The following FAM118A variants were observed in gnomAD, a reference collection of about 807,000 sequenced individuals.
The protein encoded by FAM118A is SIR2 antiphage like 2, also known as protein FAM118A.
A neutral mutation model predicts 38.2 loss-of-function variants in FAM118A; 25 were observed. The ratio of observed to expected loss-of-function variants is 0.65; its 90% CI spans 0.48 to 0.91. FAM118A has a LOEUF of 0.91. FAM118A is among the 40% of genes least tolerant of loss of function. FAM118A has a pLI of 0.00. For synonymous variants in FAM118A, 178 were observed against 184.1 expected (o/e 0.97, Z 0.27); for missense variants, 425 against 463.3 (o/e 0.92, Z 0.76).
intron 1 of FAM118A, among the ~76,000 whole-genome samples, chr22:45,320,380 C>A (rs1409563069): frequency 5.4e-5 from 8 of 148,668 alleles, no homozygotes; most frequent in Non-Finnish European, 7.5e-5. Flanking sequence ...GAGACTCCAT[C>A]AAAAAAAAAC....
intron 1 of FAM118A, among the ~76,000 whole-genome samples, chr22:45,317,174 C>T (rs2084642905): frequency 6.6e-6 from 1 of 152,158 alleles, no homozygotes; most frequent in Non-Finnish European, 1.5e-5. Context: ...GTCAGGAGTT[C>T]GAGACCAGCC....
At chr22:45,330,756 G>A (rs1218706012) in intron 5 of FAM118A, 25 bp downstream of exon 5, 2 of 1,507,208 alleles carry the variant, frequency 1.3e-6, no homozygotes, top group Non-Finnish European at 1.8e-6. Flanking sequence ...AATTAGCATC[G>A]GTGCGTCCTC....
intron 1 of FAM118A, among the ~76,000 whole-genome samples, chr22:45,310,498 G>A (rs1468890245): frequency 6.6e-6 from 1 of 152,142 alleles, no homozygotes; most frequent in African/African-American, 2.4e-5. Flanking sequence ...GAAGCCCCCA[G>A]GCCCGGGGCA....
In FAM118A at chr22:45,328,049, A is replaced by G; in HGVS notation, c.508A>G (p.Lys170Glu). Residue 170 changes from lysine (K) to glutamate (E), a missense_variant, in exon 4 of 9, where the codon AAG (lysine) becomes GAG (glutamate). Lys to Glu is a moderately conservative substitution (Grantham distance 56). Coordinates refer to ENST00000441876, the MANE Select transcript of FAM118A (RefSeq NM_017911.4). ...QNKPMESLDLKDKTKVLEWAR... is the reference protein window; with the variant it reads ...QNKPMESLDLEDKTKVLEWAR... ...CAAGCCCATGGAGTCCCTGGACTTG[A>G]AGGACAAGACCAAGGTATGGGCTGG... The G allele has an allele frequency of 6.7e-7, 1 of 1,489,870 alleles. No homozygotes were observed. Among genetic ancestry groups the G allele is most frequent in the Non-Finnish European group, 9.1e-7 (1 of 1,098,940 alleles). 92.3% of individuals were successfully genotyped at this position (1,489,870 alleles called of 1,614,324 possible). A position where few individuals can be genotyped will look rare whatever the true frequency, so the allele number is the denominator to read the frequency against.
chr22:45,323,377 G>A lies in FAM118A; in HGVS notation c.250G>A (p.Asp84Asn). ...VAEFRRKVTK[D>N]RDLLVVAHDL... ...CGAGTTCCGGAGGAAAGTGACAAAG[G>A]ACCGGGACCTGTTGGTTGTCGCCCA... The change falls in exon 3 of 9, where the codon GAC becomes AAC. Residue 84 changes from aspartate to asparagine, a missense_variant. Coordinates refer to ENST00000441876, the MANE Select transcript of FAM118A (RefSeq NM_017911.4). 1 of 1,614,188 alleles carries A rather than the reference G, an allele frequency of 6.2e-7. No homozygotes were observed. Among genetic ancestry groups the A allele is most frequent in the Admixed American group, 1.7e-5 (1 of 60,022 alleles).
Position 45,327,132 on chromosome 22 carries a change from T to C in FAM118A, c.301-710T>C, listed in dbSNP as rs2085333278. ...GGTGGCACCTGTAGCCCTAGCTACT[T>C]GGGAGGCTTAGGTGGCAAGCTCGCT... On this transcript the variant is annotated intron_variant, in intron 3 of 8. Transcript: ENST00000441876. Among the ~76,000 whole-genome samples, 3 of 151,960 alleles carry C rather than the reference T, an allele frequency of 2.0e-5. No individual in the cohort carries two copies. The South Asian group carries it at 6.2e-4, about 32-fold the overall frequency.
At chr22:45,313,819 G>A (rs745913076) in intron 1 of FAM118A, among the ~76,000 whole-genome samples, 2 of 152,134 alleles carry the variant, frequency 1.3e-5, no homozygotes, top group Admixed American at 6.5e-5. Context: ...GCTTGTGGCC[G>A]CCGAACACTG....
At chr22:45,316,654 A>C (rs1172943912) in intron 1 of FAM118A, among the ~76,000 whole-genome samples, 1 of 152,116 alleles carries the variant, frequency 6.6e-6, no homozygotes, top group Non-Finnish European at 1.5e-5. Flanking sequence ...ACACTGATTA[A>C]ATTTAGTATT....
chr22:45,315,248 C>T (rs1316288023), intron 1 of FAM118A, among the ~76,000 whole-genome samples: 1 of 152,084 alleles, frequency 6.6e-6, no homozygotes, highest in Non-Finnish European at 1.5e-5. Context: ...TAACTTATTT[C>T]CATCATTACA....
At chr22:45,330,568 G>T in intron 4 of FAM118A, 35 bp from the exon 5 acceptor site, 1 of 1,489,174 alleles carries the variant, frequency 6.7e-7, no homozygotes. Flanking sequence ...ACAGTTTGAG[G>T]ATGTGTTTCT....
intron 3 of FAM118A, among the ~76,000 whole-genome samples, chr22:45,324,354 G>A (rs1041433922): frequency 1.3e-5 from 2 of 152,182 alleles, no homozygotes; most frequent in African/African-American, 2.4e-5. Flanking sequence ...GGTGCCCTGC[G>A]GGCAGCTGTA....
At chr22:45,310,343 C>T (rs1276264735) in intron 1 of FAM118A, among the ~76,000 whole-genome samples, 160 bp downstream of exon 1, 2 of 151,986 alleles carry the variant, frequency 1.3e-5, no homozygotes, top group South Asian at 2.1e-4. Context: ...CGCCCTGCCC[C>T]TCCAGGCCCG....
chr22:45,328,974 AG>A (rs1158827844), intron 4 of FAM118A: 3 of 154,516 alleles, frequency 1.9e-5, no homozygotes, highest in Non-Finnish European at 2.9e-5. Context: ...AGAGAGTGGC[AG>A]GGGGGTGGTG....
At position 45,340,502 on chromosome 22, in the gene FAM118A, G is replaced by T. The variant is rs1390526927; in HGVS notation, c.*97G>T. The T allele has an allele frequency of 5.6e-6, 8 of 1,437,970 alleles. No homozygotes were observed. The highest frequency in any genetic ancestry group is 1.1e-5 in the South Asian group (1 of 87,274). 89.1% of individuals were successfully genotyped at this position (1,437,970 alleles called of 1,614,324 possible). On this transcript the variant is annotated 3_prime_UTR_variant, in exon 9 of 9. Transcript: ENST00000441876. ...TATGGAGAACTCCACGTGGATCTCT[G>T]ATTGCGAAACCGTCACATACACCAA... is the stretch of plus-strand genomic sequence containing the variant.
intron 1 of FAM118A, among the ~76,000 whole-genome samples, chr22:45,314,527 T>C (rs1490848711): frequency 6.6e-6 from 1 of 152,228 alleles, no homozygotes; most frequent in Non-Finnish European, 1.5e-5. Context: ...GTGGGGGAAG[T>C]TGACAAAGTC....
intron 5 of FAM118A, among the ~76,000 whole-genome samples, 192 bp from the exon 6 acceptor site, chr22:45,332,233 A>G (rs965160456): frequency 6.6e-6 from 1 of 151,788 alleles, no homozygotes; most frequent in Admixed American, 6.6e-5. Context: ...TTGCTGCCAC[A>G]GGCTGCTGCT....
In FAM118A at chr22:45,323,335, C is replaced by T. The variant is rs750165220; in HGVS notation, c.208C>T (p.His70Tyr). ...IEAAEQLEVL[H>Y]PGDVAEFRRK... Reference sequence around the variant, plus strand: ...GGCTGCAGAGCAGCTGGAGGTGCTGCACCCCGGAGACGTCGCCGAGTTCCG... The same window carrying T: ...GGCTGCAGAGCAGCTGGAGGTGCTGTACCCCGGAGACGTCGCCGAGTTCCG... The change falls in exon 3 of 9, where the codon CAC becomes TAC. Residue 70 changes from histidine to tyrosine, a missense_variant. By Grantham distance (83) the His-to-Tyr change is moderately conservative (BLOSUM62 2). Coordinates refer to ENST00000441876, the MANE Select transcript of FAM118A (RefSeq NM_017911.4). 3 of 1,614,204 alleles carry T rather than the reference C, an allele frequency of 1.9e-6. No homozygotes were observed. Among genetic ancestry groups the T allele is most frequent in the East Asian group, 2.2e-5 (1 of 44,888 alleles).
intron 1 of FAM118A, among the ~76,000 whole-genome samples, chr22:45,321,029 GT>G (rs1486134246): frequency 6.6e-6 from 1 of 152,220 alleles, no homozygotes; most frequent in African/African-American, 2.4e-5. Flanking sequence ...TTTATGAATA[GT>G]TTTTAATAAC....
At chr22:45,337,598 A>AT (rs199595497) in intron 8 of FAM118A, among the ~76,000 whole-genome samples, 5,725 of 151,742 alleles carry the variant, frequency 0.038, 168 homozygotes, top group Non-Finnish European at 0.061. Flanking sequence ...TGAATAAGAA[A>AT]TTTTTTTTTA....
Sources: gnomAD v4.1 joint callset for allele counts (sites outside exome capture counted in the v4.1 genomes callset) on GRCh38, gnomAD v4.1.1 for gene constraint, MANE v1.5 for transcripts, NCBI Gene and HGNC (gene_info 2026-07-23, HGNC 2026-07-21) for gene names.